The following INPP4B variants were observed in gnomAD, a reference collection of about 807,000 sequenced individuals.
INPP4B encodes inositol polyphosphate-4-phosphatase type II B.
In INPP4B, 55 loss-of-function variants were observed where a neutral mutation model predicts 122.5. The ratio of observed to expected loss-of-function variants is 0.45; its 90% CI spans 0.36 to 0.56. The LOEUF (loss-of-function observed/expected upper bound fraction) is 0.56, where lower values mean the gene tolerates loss of function less well. Ranked by LOEUF, INPP4B falls within the 20% of genes least tolerant of loss-of-function variation. The pLI is 0.00. For missense variants in INPP4B, 1,000 were observed against 1,097.7 expected (o/e 0.91, Z 1.26); for synonymous variants, 403 against 388.7 (o/e 1.04, Z -0.43).
intron 7 of INPP4B, among the ~76,000 whole-genome samples, chr4:142,337,921 G>A (rs1041973201): frequency 2.0e-5 from 3 of 151,428 alleles, no homozygotes; most frequent in Admixed American, 1.3e-4. Flanking sequence ...GTATGACAAA[G>A]TGAGGGGAAA....
intron 16 of INPP4B, among the ~76,000 whole-genome samples, chr4:142,167,146 T>C (rs559086725): frequency 4.8e-4 from 73 of 151,868 alleles, no homozygotes; most frequent in South Asian, 1.7e-3. Context: ...TCAACCCAAA[T>C]GCCCATCAAT....
chr4:142,096,875 A>G (rs1782046310), intron 23 of INPP4B, among the ~76,000 whole-genome samples: 1 of 152,146 alleles, frequency 6.6e-6, no homozygotes, highest in East Asian at 1.9e-4. Context: ...TTAAAAGAAC[A>G]TTTGACTGGG....
intron 2 of INPP4B, among the ~76,000 whole-genome samples, chr4:142,712,368 C>A (rs1234178584): frequency 6.6e-6 from 1 of 152,158 alleles, no homozygotes; most frequent in African/African-American, 2.4e-5. Flanking sequence ...GAATCCTACC[C>A]TTAACTGCGC....
At chr4:142,142,954 T>C (rs1265732106) in intron 18 of INPP4B, among the ~76,000 whole-genome samples, 1 of 152,066 alleles carries the variant, frequency 6.6e-6, no homozygotes, top group Non-Finnish European at 1.5e-5. Context: ...AACAGACTTT[T>C]CCCTATCCAT....
chr4:142,256,431 G>A (rs1313045565), intron 11 of INPP4B, among the ~76,000 whole-genome samples: 2 of 151,830 alleles, frequency 1.3e-5, no homozygotes, highest in Non-Finnish European at 2.9e-5. Context: ...TTTTTGGAAA[G>A]GATCAACAAA....
chr4:142,515,499 G>A (rs1825309018), intron 2 of INPP4B, among the ~76,000 whole-genome samples: 1 of 152,030 alleles, frequency 6.6e-6, no homozygotes, highest in Non-Finnish European at 1.5e-5. Flanking sequence ...CCAGAACTCT[G>A]CACTTGAAAA....
At chr4:142,083,219 GT>G (rs1472789134) in intron 24 of INPP4B, among the ~76,000 whole-genome samples, 8 of 152,264 alleles carry the variant, frequency 5.3e-5, no homozygotes, top group African/African-American at 1.4e-4. Flanking sequence ...GTTTAGATGG[GT>G]TAAGTAACTT....
chr4:142,447,147 G>A (rs1430972991), intron 3 of INPP4B, among the ~76,000 whole-genome samples: 4 of 152,194 alleles, frequency 2.6e-5, no homozygotes, highest in Non-Finnish European at 4.4e-5. Context: ...GTTTCTATGA[G>A]CACTGGGTAA....
intron 12 of INPP4B, among the ~76,000 whole-genome samples, chr4:142,210,713 ATGAAAATATTAG>A (rs1844517411): frequency 6.6e-6 from 1 of 152,240 alleles, no homozygotes; most frequent in Non-Finnish European, 1.5e-5. Context: ...TACAGTTATA[ATGAAAATATTAG>A]CTAACAATTT....
chr4:142,460,285 C>T (rs1463493521), intron 3 of INPP4B, among the ~76,000 whole-genome samples: 1 of 152,124 alleles, frequency 6.6e-6, no homozygotes, highest in Non-Finnish European at 1.5e-5. Context: ...TCAAAATTCA[C>T]CATTGCTTTT....
At chr4:142,242,845 G>A (rs1336269232) in intron 11 of INPP4B, among the ~76,000 whole-genome samples, 1 of 152,156 alleles carries the variant, frequency 6.6e-6, no homozygotes, top group African/African-American at 2.4e-5. Context: ...TCTGTTTAGT[G>A]GTCCATGTCT....
At chr4:142,034,586 C>A (rs1742648019) in intron 25 of INPP4B, among the ~76,000 whole-genome samples, 1 of 152,124 alleles carries the variant, frequency 6.6e-6, no homozygotes, top group African/African-American at 2.4e-5. Context: ...TCACAGCCTG[C>A]ACAGCCAGGC....
chr4:142,091,186 C>T (rs1298124385), intron 23 of INPP4B, among the ~76,000 whole-genome samples: 1 of 152,096 alleles, frequency 6.6e-6, no homozygotes, highest in Non-Finnish European at 1.5e-5. Flanking sequence ...AATGGGTTCC[C>T]AAATGTGTGC....
chr4:142,476,424 A>G (rs1186038505), intron 2 of INPP4B, among the ~76,000 whole-genome samples: 2 of 152,186 alleles, frequency 1.3e-5, no homozygotes, highest in African/African-American at 4.8e-5. Flanking sequence ...AAGGAACCAC[A>G]CAATCAAGTC....
In INPP4B at chr4:142,160,806, G is replaced by A. The variant is rs555300996; in HGVS notation, c.1360-245C>T. Reference sequence around the variant, plus strand: ...AGGTTTTAAATGCACTATAAACACCGTCTGTCTCCTCAACCTTCTCCCTTT... The same window carrying A: ...AGGTTTTAAATGCACTATAAACACCATCTGTCTCCTCAACCTTCTCCCTTT... On this transcript the variant is annotated intron_variant, in intron 16 of 25. Transcript: ENST00000262992. Among the ~76,000 whole-genome samples, 38 of 152,110 alleles carry A rather than the reference G, an allele frequency of 2.5e-4. 1 individual carries two copies. The South Asian group carries it at 7.3e-3, about 29-fold the overall frequency.
intron 21 of INPP4B, among the ~76,000 whole-genome samples, chr4:142,121,197 T>C (rs28588595): frequency 0.13 from 20,467 of 152,118 alleles, 1,562 homozygotes; most frequent in East Asian, 0.24. Context: ...GCATTAATTC[T>C]AGGTAAATAT....
At chr4:142,550,031 T>C (rs984718248) in intron 2 of INPP4B, among the ~76,000 whole-genome samples, 1 of 152,164 alleles carries the variant, frequency 6.6e-6, no homozygotes, top group Non-Finnish European at 1.5e-5. Flanking sequence ...GAATTTTCAC[T>C]GTCAGGAACA....
chr4:142,534,747 T>C (rs1358186370), intron 2 of INPP4B, among the ~76,000 whole-genome samples: 1 of 151,510 alleles, frequency 6.6e-6, no homozygotes, highest in Non-Finnish European at 1.5e-5. Context: ...TGTCATCAGA[T>C]TTCAATTCAT....
chr4:142,610,518 ACT>A (rs1742241454), intron 2 of INPP4B, among the ~76,000 whole-genome samples: 1 of 152,190 alleles, frequency 6.6e-6, no homozygotes, highest in South Asian at 2.1e-4. Context: ...AATAAATAAG[ACT>A]CAGAATAAAA....
Sources: gnomAD v4.1 joint callset for allele counts (sites outside exome capture counted in the v4.1 genomes callset) on GRCh38, gnomAD v4.1.1 for gene constraint, MANE v1.5 for transcripts, NCBI Gene and HGNC (gene_info 2026-07-23, HGNC 2026-07-21) for gene names.